Variants in NEDD4L observed in about 807,000 individuals in gnomAD.
NEDD4L encodes E3 ubiquitin-protein ligase NEDD4-like.
In NEDD4L, 54 loss-of-function variants were observed where a neutral mutation model predicts 148.9. The ratio of observed to expected loss-of-function variants is 0.36; its 90% CI spans 0.29 to 0.45. The LOEUF (loss-of-function observed/expected upper bound fraction) is 0.45, where lower values mean the gene tolerates loss of function less well. Ranked by LOEUF, NEDD4L falls within the 20% of genes least tolerant of loss-of-function variation. NEDD4L has a pLI of 1.00. For missense variants in NEDD4L, 856 were observed against 1,233.8 expected (o/e 0.69, Z 4.59); for synonymous variants, 433 against 440.7 (o/e 0.98, Z 0.22).
chr18:58,095,093 C>T lies in NEDD4L; in HGVS notation c.48+50385C>T, dbSNP rs538985569. ...CTTTGGTGCTTTTCTAGATGTTTCA[C>T]AAGTTAAGATGTTGTTAAGAGGTTC... On this transcript the variant is annotated intron_variant, in intron 1 of 30. Transcript: ENST00000400345. 5.3e-5 allele frequency among the ~76,000 whole-genome samples: 8 copies of T among 152,280 alleles called. No homozygotes were observed. The South Asian group carries it at 1.7e-3, about 32-fold the overall frequency.
chr18:58,216,741 G>C (rs2043191835), intron 2 of NEDD4L, among the ~76,000 whole-genome samples: 1 of 152,168 alleles, frequency 6.6e-6, no homozygotes, highest in Admixed American at 6.5e-5. Flanking sequence ...TCTCCAAGTG[G>C]ATGTGTGAAG....
intron 1 of NEDD4L, among the ~76,000 whole-genome samples, chr18:58,084,686 T>G (rs2083662143): frequency 6.6e-6 from 1 of 150,960 alleles, no homozygotes; most frequent in Admixed American, 6.6e-5. Flanking sequence ...TGTGTGTGTG[T>G]GTGTGTGTGT....
chr18:58,341,197 C>T (rs2042373876), intron 14 of NEDD4L, 28 bp downstream of exon 14: 1 of 1,608,788 alleles, frequency 6.2e-7, no homozygotes, highest in African/African-American at 1.3e-5. Flanking sequence ...CAACTTAAAA[C>T]CGCAGGCCAT....
chr18:58,340,207 A>C (rs1237837341), intron 13 of NEDD4L, among the ~76,000 whole-genome samples: 1 of 152,116 alleles, frequency 6.6e-6, no homozygotes, highest in African/African-American at 2.4e-5. Flanking sequence ...ATACATCATC[A>C]ACACATCCTT....
intron 1 of NEDD4L, among the ~76,000 whole-genome samples, chr18:58,073,986 T>C (rs181329681): frequency 2.6e-4 from 39 of 152,354 alleles, no homozygotes; most frequent in Admixed American, 2.1e-3. Flanking sequence ...TTGTACCTTA[T>C]GTAGAATTCC....
chr18:58,118,749 A>T (rs1375663248), intron 1 of NEDD4L, among the ~76,000 whole-genome samples: 1 of 152,164 alleles, frequency 6.6e-6, no homozygotes, highest in Non-Finnish European at 1.5e-5. Context: ...TGATTTCTTC[A>T]TCTCCCAGCT....
At chr18:58,051,426 C>T (rs2081865224) in intron 1 of NEDD4L, among the ~76,000 whole-genome samples, 1 of 152,172 alleles carries the variant, frequency 6.6e-6, no homozygotes, top group Admixed American at 6.5e-5. Flanking sequence ...ATTATTGCAG[C>T]AGTACATTGG....
chr18:58,199,084 G>A (rs2041093305), intron 2 of NEDD4L, among the ~76,000 whole-genome samples: 1 of 152,184 alleles, frequency 6.6e-6, no homozygotes, highest in Admixed American at 6.5e-5. Context: ...GAGCCACCAC[G>A]TCCGGCCTTC....
chr18:58,208,138 G>A (rs2042158512), intron 2 of NEDD4L, among the ~76,000 whole-genome samples: 1 of 152,158 alleles, frequency 6.6e-6, no homozygotes, highest in Admixed American at 6.5e-5. Flanking sequence ...TGTTCTAATG[G>A]GGGTTTAATA....
chr18:58,264,376 G>A (rs781637273), intron 5 of NEDD4L, among the ~76,000 whole-genome samples: 1 of 152,064 alleles, frequency 6.6e-6, no homozygotes, highest in Non-Finnish European at 1.5e-5. Context: ...AATGTATGCA[G>A]GGGTCATTTT....
At chr18:58,303,190 T>A (rs1321398023) in intron 5 of NEDD4L, among the ~76,000 whole-genome samples, 1 of 152,218 alleles carries the variant, frequency 6.6e-6, no homozygotes, top group Non-Finnish European at 1.5e-5. Flanking sequence ...GAAAAAGTCA[T>A]GAGTAATGAA....
intron 2 of NEDD4L, among the ~76,000 whole-genome samples, chr18:58,190,589 G>A (rs1161578329): frequency 3.3e-5 from 5 of 152,184 alleles, no homozygotes; most frequent in Non-Finnish European, 2.9e-5. Context: ...GCAGGCTCAT[G>A]AGTGTTTATT....
At chr18:58,060,377 T>C (rs1478691897) in intron 1 of NEDD4L, among the ~76,000 whole-genome samples, 1 of 151,990 alleles carries the variant, frequency 6.6e-6, no homozygotes, top group African/African-American at 2.4e-5. Flanking sequence ...GCCTTCTGAG[T>C]CGCTGGGATT....
chr18:58,400,783 T>A lies in NEDD4L; in HGVS notation c.*4514T>A, dbSNP rs991206609. On this transcript the variant is annotated 3_prime_UTR_variant, in exon 31 of 31. Transcript: ENST00000400345. ...TAACTCTGTGTCTGCAGATATGTGTTCCCGTGTAAGCCAGTTTTCCCCTTT... is the reference window on the plus strand; with the variant it reads ...TAACTCTGTGTCTGCAGATATGTGTACCCGTGTAAGCCAGTTTTCCCCTTT... 2.6e-5 allele frequency: 4 copies of A among 152,214 alleles called. No homozygotes were observed. The highest frequency in any genetic ancestry group is 2.6e-4 in the Admixed American group (4 of 15,284). 9.4% of individuals were successfully genotyped at this position (152,214 alleles called of 1,614,324 possible).
intron 1 of NEDD4L, among the ~76,000 whole-genome samples, chr18:58,144,946 C>T (rs2033948061): frequency 6.6e-6 from 1 of 152,200 alleles, no homozygotes; most frequent in Non-Finnish European, 1.5e-5. Flanking sequence ...CGAGGAGTTG[C>T]TCCACAGGTG....
At chr18:58,341,268 C>A in intron 14 of NEDD4L, 99 bp downstream of exon 14, 1 of 1,345,552 alleles carries the variant, frequency 7.4e-7, no homozygotes, top group Non-Finnish European at 1.0e-6. Flanking sequence ...TTCTGAAAGA[C>A]CCGTATTTGT....
At position 58,044,504 on chromosome 18, in the gene NEDD4L, C is replaced by T. The variant is rs1293389369; in HGVS notation, c.-157C>T. ...GCAGCGTCCAGGGCGCGCTCTCGGG[C>T]ACCCTCACCTGCCGGCGCCCGGCCG... On this transcript the variant is annotated 5_prime_UTR_variant, in exon 1 of 31. Transcript: ENST00000400345. 2 of 1,027,170 alleles carry T rather than the reference C, an allele frequency of 1.9e-6. No homozygotes were observed. The highest frequency in any genetic ancestry group is 2.5e-6 in the Non-Finnish European group (2 of 793,462). 63.6% of individuals were successfully genotyped at this position (1,027,170 alleles called of 1,614,324 possible).
intron 1 of NEDD4L, among the ~76,000 whole-genome samples, chr18:58,081,417 G>A (rs746309360): frequency 1.6e-4 from 25 of 151,934 alleles, no homozygotes; most frequent in Middle Eastern, 3.4e-3. Context: ...GGGTTTCACC[G>A]TGTTAGCCAG....
intron 24 of NEDD4L, among the ~76,000 whole-genome samples, chr18:58,379,188 A>G (rs972527074): frequency 6.6e-6 from 1 of 152,196 alleles, no homozygotes; most frequent in Non-Finnish European, 1.5e-5. Flanking sequence ...ACCAGGGAGC[A>G]GGGCCCCTGG....
Sources: gnomAD v4.1 joint callset for allele counts (sites outside exome capture counted in the v4.1 genomes callset) on GRCh38, gnomAD v4.1.1 for gene constraint, MANE v1.5 for transcripts, NCBI Gene and HGNC (gene_info 2026-07-23, HGNC 2026-07-21) for gene names.